The following SLC25A25 variants were observed in gnomAD, a reference collection of about 807,000 sequenced individuals.
SLC25A25 encodes mitochondrial adenyl nucleotide antiporter SLC25A25.
A neutral mutation model predicts 57.7 loss-of-function variants in SLC25A25; 32 were observed. That is an observed-to-expected ratio of 0.55 (90% confidence interval 0.42 to 0.74). SLC25A25 has a LOEUF of 0.74. Ranked by LOEUF, SLC25A25 falls within the 30% of genes least tolerant of loss-of-function variation. The pLI is 0.00. For missense variants in SLC25A25, 556 were observed against 701.3 expected, an observed-to-expected ratio of 0.79 and a Z score of 2.34; for synonymous variants, 306 against 291.2, an observed-to-expected ratio of 1.05 and a Z score of -0.52.
intron 1 of SLC25A25, among the ~76,000 whole-genome samples, chr9:128,071,064 C>T (rs1226602813): frequency 6.6e-6 from 1 of 152,170 alleles, no homozygotes; most frequent in Non-Finnish European, 1.5e-5. Context: ...TGCTGCCAGG[C>T]ACATTGAGAA....
At position 128,101,516 on chromosome 9, in the gene SLC25A25, G is replaced by A; in HGVS notation, c.476+120G>A. 8 of 1,109,020 alleles carry A rather than the reference G, an allele frequency of 7.2e-6. No homozygotes were observed. The highest frequency in any genetic ancestry group is 1.0e-5 in the Non-Finnish European group (8 of 768,646). The allele number at this position is 1,109,020 out of a possible 1,614,324, so 68.7% of individuals were successfully genotyped here. On this transcript the variant is annotated intron_variant, in intron 3 of 10. Coordinates refer to ENST00000373069, the MANE Select transcript of SLC25A25 (RefSeq NM_001330988.2). This position sits in a 1 kb window ranked among gnomAD's most constrained non-coding sequence, Gnocchi z 4.9. ...AACTTGGCCTTCTCGTGGTTTGAAA[G>A]GATGAATAAGTAACCCCTGTGGGAG...
At chr9:128,098,687 C>A in intron 1 of SLC25A25, 7 of 1,614,088 alleles carry the variant, frequency 4.3e-6, no homozygotes, top group Non-Finnish European at 5.9e-6. Flanking sequence ...TGTCTTCATC[C>A]CCTCCCAGGA....
intron 1 of SLC25A25, among the ~76,000 whole-genome samples, chr9:128,088,031 G>T (rs755422913): frequency 1.2e-4 from 19 of 152,148 alleles, no homozygotes; most frequent in Non-Finnish European, 2.1e-4. Context: ...TCCTCATTAT[G>T]GGTCACCTTT....
Position 128,095,830 on chromosome 9 carries a change from A to G in SLC25A25, c.262-5266A>G, listed in dbSNP as rs1490965207. On this transcript the variant is annotated intron_variant, in intron 1 of 10. Transcript: ENST00000373069. This position sits in a 1 kb window ranked among gnomAD's most constrained non-coding sequence, Gnocchi z 4.4. ...ATCTTAGGAAAGACAAAGAAAAAAG[A>G]AGAAGAATACAGGTTTCACTTTTAT... Among the ~76,000 whole-genome samples the G allele has an allele frequency of 6.6e-6, 1 of 152,136 alleles. No individual in the cohort carries two copies. The highest frequency in any genetic ancestry group is 1.5e-5 in the Non-Finnish European group (1 of 68,030).
rs770024989 is a variant in SLC25A25, at chr9:128,107,575, C to T, written c.*131C>T. On this transcript the variant is annotated 3_prime_UTR_variant, in exon 11 of 11. Transcript: ENST00000373069. ...AAGCTGTGAAAACCCTAGACGCACC[C>T]GCAGGGAGGGTGGGGAGAGCTGGCA... The T allele has an allele frequency of 7.6e-5, 85 of 1,123,384 alleles. 1 individual carries two copies. The highest frequency in any genetic ancestry group is 9.9e-5 in the Non-Finnish European group (83 of 836,192). The allele number at this position is 1,123,384 out of a possible 1,614,324, so 69.6% of individuals were successfully genotyped here.
chr9:128,106,215 C>G lies in SLC25A25; in HGVS notation c.1002C>G (p.Ser334=), dbSNP rs758475931. The G allele has an allele frequency of 2.5e-6, 4 of 1,614,068 alleles. No individual in the cohort carries two copies. Among genetic ancestry groups the G allele is most frequent in the Non-Finnish European group, 3.4e-6 (4 of 1,180,036 alleles). ...LRIHERLVAG[S]LAGAIAQSSI... ...TTCACGAGAGGCTTGTGGCAGGGTC[C>G]TTGGCAGGGGCCATCGCCCAGAGCA... The change falls in exon 8 of 11, where the codon TCC becomes TCG. Residue 334 remains serine, a synonymous_variant. Coordinates refer to ENST00000373069, the MANE Select transcript of SLC25A25 (RefSeq NM_001330988.2).
In SLC25A25 at chr9:128,102,160, C is replaced by A; in HGVS notation, c.512+45C>A. 2 of 1,547,798 alleles carry A rather than the reference C, an allele frequency of 1.3e-6. No homozygotes were observed. Among genetic ancestry groups the A allele is most frequent in the Non-Finnish European group, 1.7e-6 (2 of 1,144,474 alleles). On this transcript the variant is annotated intron_variant, in intron 4 of 10. Coordinates refer to ENST00000373069, the MANE Select transcript of SLC25A25 (RefSeq NM_001330988.2). The surrounding 1 kb of genome is among the most constrained non-coding windows in gnomAD (Gnocchi z 4.1). ...ATGACTGCCTCCCTTGACTTCCATG[C>A]CTGATCAGAGCGGGATTCTTGTGGG... is the stretch of plus-strand genomic sequence containing the variant.
rs1833522364 is a variant in SLC25A25, at chr9:128,095,150, T to A, written c.262-5946T>A. ...CACAAACACCGTTTTTGGTTGTATT[T>A]AGCTAGGGCTCAACTTGCTCAAGTT... On this transcript the variant is annotated intron_variant, in intron 1 of 10. Transcript: ENST00000373069. The surrounding 1 kb of genome is among the most constrained non-coding windows in gnomAD (Gnocchi z 4.4). Among the ~76,000 whole-genome samples the A allele has an allele frequency of 6.6e-6, 1 of 152,230 alleles. No homozygotes were observed. The highest frequency in any genetic ancestry group is 2.4e-5 in the African/African-American group (1 of 41,464).
Position 128,099,420 on chromosome 9 carries a change from G to T in SLC25A25, c.262-1676G>T. The T allele has an allele frequency of 5.2e-6, 6 of 1,149,658 alleles. No individual in the cohort carries two copies. Among genetic ancestry groups the T allele is most frequent in the Non-Finnish European group, 6.5e-6 (6 of 920,494 alleles). 71.2% of individuals were successfully genotyped at this position (1,149,658 alleles called of 1,614,324 possible). A position where few individuals can be genotyped will look rare whatever the true frequency, so the allele number is the denominator to read the frequency against. On this transcript the variant is annotated intron_variant, in intron 1 of 10. Coordinates refer to ENST00000373069, the MANE Select transcript of SLC25A25 (RefSeq NM_001330988.2). The surrounding 1 kb of genome is among the most constrained non-coding windows in gnomAD (Gnocchi z 6.8). ...CCCTCTGCTCTGGGTGTCTGCGACA[G>T]CACCCACCCCAGGGAGGCATGTGGC...
intron 1 of SLC25A25, among the ~76,000 whole-genome samples, chr9:128,090,403 G>A (rs543001255): frequency 6.6e-6 from 1 of 151,964 alleles, no homozygotes; most frequent in African/African-American, 2.4e-5. Flanking sequence ...AGTAGAGACG[G>A]GGTTTCACCA....
chr9:128,080,251 A>C (rs12682766), intron 1 of SLC25A25, among the ~76,000 whole-genome samples: 48 of 9,440 alleles, frequency 5.1e-3, no homozygotes, highest in African/African-American at 6.0e-3. Context: ...ACAAAAAAAC[A>C]AAAAAAAAAC....
chr9:128,106,758 A>G (rs540792915), intron 9 of SLC25A25, among the ~76,000 whole-genome samples: 4 of 152,198 alleles, frequency 2.6e-5, no homozygotes, highest in African/African-American at 9.6e-5. Flanking sequence ...GCAGATCCCC[A>G]GAGCAGGGTG....
intron 7 of SLC25A25, 69 bp from the exon 8 acceptor site, chr9:128,106,081 A>C (rs1834019935): frequency 2.5e-6 from 4 of 1,594,368 alleles, no homozygotes; most frequent in Non-Finnish European, 3.4e-6. Flanking sequence ...GGACTCCTGG[A>C]AGGGAGGGGC....
In SLC25A25 at chr9:128,099,096, G is replaced by A. The variant is rs531273159; in HGVS notation, c.262-2000G>A. ...GAGGCCCAGGAGTTGAGGGTGCTGC[G>A]TGGTGGAGCTGCCCGTCCCTGGTGT... On this transcript the variant is annotated intron_variant, in intron 1 of 10. Coordinates refer to ENST00000373069, the MANE Select transcript of SLC25A25 (RefSeq NM_001330988.2). The surrounding 1 kb of genome is among the most constrained non-coding windows in gnomAD (Gnocchi z 6.8). 11 of 985,424 alleles carry A rather than the reference G, an allele frequency of 1.1e-5. No individual in the cohort carries two copies. The highest frequency in any genetic ancestry group is 4.7e-5 in the South Asian group (1 of 21,288). The allele number at this position is 985,424 out of a possible 1,614,324, so 61.0% of individuals were successfully genotyped here. A position where few individuals can be genotyped will look rare whatever the true frequency, so the allele number is the denominator to read the frequency against.
In SLC25A25 at chr9:128,099,849, A is replaced by G. The variant is rs932094887; in HGVS notation, c.262-1247A>G. Among the ~76,000 whole-genome samples the G allele has an allele frequency of 4.6e-5, 7 of 151,730 alleles. No individual in the cohort carries two copies. The highest frequency in any genetic ancestry group is 3.9e-4 in the Admixed American group (6 of 15,228). ...TAGCCAGTGGGCCATCCATTTCCAA[A>G]CCCCAGCTGGCTGTCAGTTGATTTC... On this transcript the variant is annotated intron_variant, in intron 1 of 10. Transcript: ENST00000373069. The surrounding 1 kb of genome is among the most constrained non-coding windows in gnomAD (Gnocchi z 6.8).
In SLC25A25 at chr9:128,105,886, G is replaced by A. The variant is rs747400375; in HGVS notation, c.936+5G>A. ...AAATTCATGGCCTATGAGCAGGTGA[G>A]GACCCAGCTCCTCAGGAGGGTCACC... On this transcript the variant is annotated splice_donor_5th_base_variant and intron_variant, in intron 7 of 10. Coordinates refer to ENST00000373069, the MANE Select transcript of SLC25A25 (RefSeq NM_001330988.2). The A allele has an allele frequency of 5.6e-6, 9 of 1,613,534 alleles. No homozygotes were observed. The African/African-American group carries it at 1.2e-4, about 21-fold the overall frequency.
Position 128,068,422 on chromosome 9 carries a change from C to A in SLC25A25, c.103C>A (p.Pro35Thr), listed in dbSNP as rs1267023401. Reference sequence around the variant, plus strand: ...CTCATCGCCGGCGTCCGTGGGGGACCCCTGCGGCGGCGCTATCTGCGGGGG... The same window carrying A: ...CTCATCGCCGGCGTCCGTGGGGGACACCTGCGGCGGCGCTATCTGCGGGGG... ...SASSPASVGD[P>T]CGGAICGGPD... The change falls in exon 1 of 11, where the codon CCC becomes ACC. Residue 35 changes from proline to threonine, a missense_variant. Physicochemically the swap from Pro to Thr is conservative, Grantham distance 38 (BLOSUM62 -1). This residue lies in a region of SLC25A25 where 248 missense variants were observed against 273.5 expected (regional missense o/e 0.91). Coordinates refer to ENST00000373069, the MANE Select transcript of SLC25A25 (RefSeq NM_001330988.2). The A allele has an allele frequency of 1.9e-6, 3 of 1,560,318 alleles. No homozygotes were observed. The highest frequency in any genetic ancestry group is 2.6e-6 in the Non-Finnish European group (3 of 1,163,724).
chr9:128,087,926 T>G (rs73612007), intron 1 of SLC25A25, among the ~76,000 whole-genome samples: 110 of 152,328 alleles, frequency 7.2e-4, no homozygotes, highest in African/African-American at 2.5e-3. Context: ...CCTTACTTTC[T>G]TGTGCATAGG....
At position 128,107,261 on chromosome 9, in the gene SLC25A25, C is replaced by G. The variant is rs1425825263; in HGVS notation, c.1365C>G (p.Ala455=). ...TGACTGGTGGCCTCCATCCTGCAGC[C>G]TCTATTGAGGGCGCTCCGGAGGTGA... The part of the protein sequence containing the change: ...ALVRTRMQAQ[A]SIEGAPEVTM... Residue 455 remains alanine, a splice_region_variant and synonymous_variant, in exon 11 of 11, where the codon GCC becomes GCG. Transcript: ENST00000373069. 1.9e-6 allele frequency: 3 copies of G among 1,606,478 alleles called. No individual in the cohort carries two copies. Among genetic ancestry groups the G allele is most frequent in the Non-Finnish European group, 2.6e-6 (3 of 1,174,766 alleles).
Sources: gnomAD v4.1 joint callset for allele counts (sites outside exome capture counted in the v4.1 genomes callset) on GRCh38, gnomAD v4.1.1 for gene constraint, gnomAD v4.1.1 regional missense constraint, Gnocchi (gnomAD v3.1) non-coding constraint, MANE v1.5 for transcripts, NCBI Gene and HGNC (gene_info 2026-07-23, HGNC 2026-07-21) for gene names.